The following DIP2C variants were observed in gnomAD, a reference collection of about 807,000 sequenced individuals.
DIP2C encodes DIP2 acetate--CoA ligase C (putative).
In DIP2C, 33 loss-of-function variants were observed where a neutral mutation model predicts 192.4. The ratio of observed to expected loss-of-function variants is 0.17; its 90% CI spans 0.13 to 0.23. The LOEUF (loss-of-function observed/expected upper bound fraction) is 0.23, where lower values mean the gene tolerates loss of function less well. Ranked by LOEUF, DIP2C falls within the 10% of genes least tolerant of loss-of-function variation. DIP2C has a pLI of 1.00. For synonymous variants in DIP2C, 979 were observed against 864.1 expected (o/e 1.13, Z -2.33); for missense variants, 1,537 against 2,110.1 (o/e 0.73, Z 5.32).
intron 1 of DIP2C, among the ~76,000 whole-genome samples, chr10:507,374 C>A (rs769182250): frequency 6.6e-6 from 1 of 150,738 alleles, no homozygotes; most frequent in East Asian, 2.0e-4. Flanking sequence ...CAGAGCTGTG[C>A]GAGGTTACAG....
chr10:389,275 G>A (rs1963261734), intron 13 of DIP2C, among the ~76,000 whole-genome samples: 1 of 152,224 alleles, frequency 6.6e-6, no homozygotes, highest in African/African-American at 2.4e-5. Flanking sequence ...GAGGTTTCAG[G>A]GGATATCAGC....
At chr10:512,305 T>TCC (rs1289660479) in intron 1 of DIP2C, among the ~76,000 whole-genome samples, 2 of 152,246 alleles carry the variant, frequency 1.3e-5, no homozygotes, top group East Asian at 3.9e-4. Context: ...ACACCTGTAA[T>TCC]CCCAGCAGTT....
intron 1 of DIP2C, among the ~76,000 whole-genome samples, chr10:633,946 T>C (rs1157939888): frequency 1.3e-5 from 2 of 152,194 alleles, no homozygotes; most frequent in African/African-American, 4.8e-5. Flanking sequence ...CTTAAAAGCT[T>C]CTCTCTTTTA....
chr10:517,761 T>C (rs1031058127), intron 1 of DIP2C, among the ~76,000 whole-genome samples: 1 of 152,194 alleles, frequency 6.6e-6, no homozygotes, highest in Non-Finnish European at 1.5e-5. Flanking sequence ...ACTGAATTTA[T>C]CTCAAGCCAC....
At chr10:659,855 T>C (rs1856647845) in intron 1 of DIP2C, among the ~76,000 whole-genome samples, 1 of 152,222 alleles carries the variant, frequency 6.6e-6, no homozygotes, top group African/African-American at 2.4e-5. Context: ...AGATAATTCC[T>C]TCCCTTCCTG....
At chr10:315,620 C>T (rs549122210) in intron 31 of DIP2C, among the ~76,000 whole-genome samples, 4 of 152,186 alleles carry the variant, frequency 2.6e-5, no homozygotes, top group Non-Finnish European at 5.9e-5. Context: ...TTGACTCTGC[C>T]ACTGACTTTC....
chr10:571,915 C>T (rs915931796), intron 1 of DIP2C, among the ~76,000 whole-genome samples: 1 of 152,214 alleles, frequency 6.6e-6, no homozygotes, highest in African/African-American at 2.4e-5. Flanking sequence ...CAAAAACTGT[C>T]CATCAACTGC....
chr10:368,659 G>C (rs1960590355), intron 18 of DIP2C, among the ~76,000 whole-genome samples: 3 of 152,230 alleles, frequency 2.0e-5, no homozygotes, highest in Non-Finnish European at 4.4e-5. Context: ...AGACTCCATG[G>C]GGCGAGGGTC....
chr10:352,943 A>G (rs1049833392), intron 24 of DIP2C, among the ~76,000 whole-genome samples: 1 of 151,294 alleles, frequency 6.6e-6, no homozygotes, highest in Non-Finnish European at 1.5e-5. Context: ...TTTCCCATGA[A>G]CTCCGTGTTA....
chr10:463,768 C>G (rs1446895067), intron 3 of DIP2C, among the ~76,000 whole-genome samples: 1 of 152,132 alleles, frequency 6.6e-6, no homozygotes, highest in African/African-American at 2.4e-5. Flanking sequence ...GTAACCAAAA[C>G]AGCATGGTAC....
At chr10:601,219 C>T (rs1232146368) in intron 1 of DIP2C, among the ~76,000 whole-genome samples, 1 of 152,166 alleles carries the variant, frequency 6.6e-6, no homozygotes, top group African/African-American at 2.4e-5. Context: ...CAAAGTCATA[C>T]AGATAAACTC....
At chr10:611,586 G>A (rs1371220161) in intron 1 of DIP2C, among the ~76,000 whole-genome samples, 2 of 152,154 alleles carry the variant, frequency 1.3e-5, no homozygotes, top group East Asian at 1.9e-4. Flanking sequence ...TCCCACCAGG[G>A]CCTCTTTAGC....
At chr10:320,609 G>A (rs975069889) in intron 31 of DIP2C, among the ~76,000 whole-genome samples, 3 of 152,054 alleles carry the variant, frequency 2.0e-5, no homozygotes, top group Non-Finnish European at 4.4e-5. Flanking sequence ...ACTCAGGGAG[G>A]GAGATTCTTT....
chr10:363,137 G>C lies in DIP2C; in HGVS notation c.2592+60C>G. On this transcript the variant is annotated intron_variant, in intron 21 of 36. Coordinates refer to ENST00000280886, the MANE Select transcript of DIP2C (RefSeq NM_014974.3). This position sits in a 1 kb window ranked among gnomAD's most constrained non-coding sequence, Gnocchi z 5.4. ...CAGCTGGTCACACCATGATCTGAAT[G>C]AAGTAAGGAGGCCAGAAACAAGACA... is the stretch of plus-strand genomic sequence containing the variant. 6.8e-7 allele frequency: 1 copy of C among 1,467,920 alleles called. No homozygotes were observed. Among genetic ancestry groups the C allele is most frequent in the Non-Finnish European group, 9.4e-7 (1 of 1,060,230 alleles). 90.9% of individuals were successfully genotyped at this position (1,467,920 alleles called of 1,614,324 possible).
intron 1 of DIP2C, among the ~76,000 whole-genome samples, chr10:614,590 C>T (rs993438128): frequency 5.9e-5 from 9 of 152,230 alleles, no homozygotes; most frequent in African/African-American, 9.6e-5. Flanking sequence ...CCAATCTGCT[C>T]GGCCGACACA....
At chr10:414,707 A>ATATGTGTGTGTG (rs750419581) in intron 7 of DIP2C, among the ~76,000 whole-genome samples, 2 of 47,800 alleles carry the variant, frequency 4.2e-5, no homozygotes, top group African/African-American at 1.8e-4. Context: ...GTGTGTATGT[A>ATATGTGTGTGTG]TGTGTGTGTG....
At chr10:341,478 C>G (rs540103826) in intron 28 of DIP2C, 149 bp from the exon 29 acceptor site, 2 of 1,195,388 alleles carry the variant, frequency 1.7e-6, no homozygotes, top group Non-Finnish European at 2.4e-6. Context: ...CTGCACTGAA[C>G]GCAAGGCTGT....
Position 362,483 on chromosome 10 carries a change from C to T in DIP2C, c.2794+7G>A. On this transcript the variant is annotated splice_region_variant and intron_variant, in intron 22 of 36. Transcript: ENST00000280886. The stretch of plus-strand genomic sequence containing the variant: ...CACCTCACAAGCTGCCCAAGTGGTG[C>T]ACATACCTGGCTGCTTCTGTCGAGG... 6.2e-7 allele frequency: 1 copy of T among 1,612,860 alleles called. No homozygotes were observed. Among genetic ancestry groups the T allele is most frequent in the East Asian group, 2.2e-5 (1 of 44,884 alleles).
chr10:362,764 T>C (rs1006771480), intron 21 of DIP2C, 73 bp from the exon 22 acceptor site: 3 of 1,470,898 alleles, frequency 2.0e-6, no homozygotes, highest in East Asian at 2.3e-5. Context: ...TTATGCAAAA[T>C]ATGATCCACA....
Sources: gnomAD v4.1 joint callset for allele counts (sites outside exome capture counted in the v4.1 genomes callset) on GRCh38, gnomAD v4.1.1 for gene constraint, Gnocchi (gnomAD v3.1) non-coding constraint, MANE v1.5 for transcripts, NCBI Gene and HGNC (gene_info 2026-07-23, HGNC 2026-07-21) for gene names.